ZNF541: variants seen among roughly 807,000 people sequenced by gnomAD.
ZNF541 encodes zinc finger protein 541.
In ZNF541, 23 loss-of-function variants were observed where a neutral mutation model predicts 123.5. The ratio of observed to expected loss-of-function variants is 0.19; its 90% confidence interval spans 0.13 to 0.26. The LOEUF (loss-of-function observed/expected upper bound fraction) is 0.26. Ranked by LOEUF, ZNF541 falls within the 10% of genes least tolerant of loss-of-function variation. The probability of loss-of-function intolerance (pLI) is 1.00; values close to 1 mark genes in which losing one functional copy is unlikely to be tolerated. For missense variants in ZNF541, 1,612 were observed against 1,789.9 expected (o/e 0.90, Z 1.79); for synonymous variants, 751 against 754.5 (o/e 1.00, Z 0.08).
intron 9 of ZNF541, 49 bp from the exon 10 acceptor site, chr19:47,533,021 C>G (rs188970602): frequency 3.3e-6 from 5 of 1,518,140 alleles, no homozygotes; most frequent in South Asian, 1.2e-5. Flanking sequence ...AGCAGGTAAC[C>G]GACAGGGTCC....
At chr19:47,522,410 G>C (rs1969079613) in intron 14 of ZNF541, among the ~76,000 whole-genome samples, 1 of 152,226 alleles carries the variant, frequency 6.6e-6, no homozygotes, top group African/African-American at 2.4e-5. Flanking sequence ...TCTAGAAGAA[G>C]GGGAGGTTTT....
At chr19:47,536,542 T>A (rs2123027694) in intron 9 of ZNF541, among the ~76,000 whole-genome samples, 1 of 152,114 alleles carries the variant, frequency 6.6e-6, no homozygotes, top group South Asian at 2.1e-4. Context: ...CTGGCCCACC[T>A]CAGAGTTTGA....
chr19:47,567,159 C>T (rs1160707289), intron 2 of ZNF541, among the ~76,000 whole-genome samples: 1 of 152,172 alleles, frequency 6.6e-6, no homozygotes, highest in East Asian at 1.9e-4. Flanking sequence ...TAAGCCTGCA[C>T]TGCCCAATAC....
chr19:47,549,406 C>A lies in ZNF541; in HGVS notation c.387G>T (p.Lys129Asn). The change falls in exon 4 of 17, where the codon AAG becomes AAT. Residue 129 changes from lysine (K) to asparagine (N), a missense_variant. Around this residue, in one of 5 missense-constraint regions of ZNF541, gnomAD observed 212 missense variants for 289.6 expected, o/e 0.73. Coordinates refer to ENST00000391901, the MANE Select transcript of ZNF541 (RefSeq NM_001277075.3). ...RATSGSARKGKRQHSSPQNPL... is the reference protein window; with the variant it reads ...RATSGSARKGNRQHSSPQNPL... ...GGTTTTGAGGGGAACTGTGCTGCCGCTTTCCTTTCCTGGCACTCCCCGAGG... is the reference window on the plus strand; with the variant it reads ...GGTTTTGAGGGGAACTGTGCTGCCGATTTCCTTTCCTGGCACTCCCCGAGG... 1.3e-6 allele frequency: 2 copies of A among 1,551,734 alleles called. No individual in the cohort carries two copies. Among genetic ancestry groups the A allele is most frequent in the Non-Finnish European group, 1.7e-6 (2 of 1,147,014 alleles).
intron 14 of ZNF541, among the ~76,000 whole-genome samples, chr19:47,523,339 TAAAAAAAAAAAA>T (rs75366644): frequency 9.5e-6 from 1 of 105,750 alleles, no homozygotes; most frequent in African/African-American, 4.4e-5. Context: ...GCGTCTCTTT[TAAAAAAAAAAAA>T]AAAAAAAAAA....
At position 47,544,973 on chromosome 19, in the gene ZNF541, G is replaced by A; in HGVS notation, c.1556C>T (p.Pro519Leu). The change falls in exon 5 of 17, where the codon CCC becomes CTC. Residue 519 changes from proline (P) to leucine (L), a missense_variant. Physicochemically the swap from Pro to Leu is moderately conservative, Grantham distance 98. This residue lies in a region of ZNF541 where 1,080 missense variants were observed against 1,013.8 expected (regional missense o/e 1.07). Coordinates refer to ENST00000391901, the MANE Select transcript of ZNF541 (RefSeq NM_001277075.3). Reference sequence around the variant, plus strand: ...TGCCTTCTGGGCCTCCTGGAGGCCGGGCTCCCCGGGGTTCTGGCACAGGAA... The same window carrying A: ...TGCCTTCTGGGCCTCCTGGAGGCCGAGCTCCCCGGGGTTCTGGCACAGGAA... Reference protein sequence around the residue: ...DSFLCQNPGEPGLQEAQKAGG... With the variant: ...DSFLCQNPGELGLQEAQKAGG... The A allele has an allele frequency of 6.5e-7, 1 of 1,532,604 alleles. No individual in the cohort carries two copies. The highest frequency in any genetic ancestry group is 8.7e-7 in the Non-Finnish European group (1 of 1,145,432). The allele number at this position is 1,532,604 out of a possible 1,614,324, so 94.9% of individuals were successfully genotyped here.
At chr19:47,569,879 A>G (rs904246153) in intron 2 of ZNF541, among the ~76,000 whole-genome samples, 4 of 151,042 alleles carry the variant, frequency 2.6e-5, no homozygotes, top group African/African-American at 9.7e-5. Context: ...CCCTGTCTCA[A>G]GAAAAGAAAG....
chr19:47,562,510 C>T (rs779629801), intron 2 of ZNF541, among the ~76,000 whole-genome samples: 1 of 152,138 alleles, frequency 6.6e-6, no homozygotes, highest in Non-Finnish European at 1.5e-5. Context: ...TGCCACTGCA[C>T]TCCAGCCTGG....
intron 3 of ZNF541, among the ~76,000 whole-genome samples, chr19:47,554,937 T>C (rs1007467465): frequency 6.6e-6 from 1 of 151,040 alleles, no homozygotes; most frequent in Non-Finnish European, 1.5e-5. Context: ...CTACTAAAAA[T>C]ACAAAAATTA....
upstream of ZNF541, among the ~76,000 whole-genome samples, chr19:47,573,304 T>G (rs548023060): frequency 3.1e-3 from 470 of 152,084 alleles, 1 homozygote; most frequent in African/African-American, 0.011. Context: ...TCTCGGCTGC[T>G]TCTCCGAGGG....
In ZNF541 at chr19:47,520,898, G is replaced by A. The variant is rs1968993453; in HGVS notation, c.*326C>T. ...ACACATGAAACCAAACCCCACAACT[G>A]AGGCTAAGATTTAAGAGCTACCCAG... On this transcript the variant is annotated 3_prime_UTR_variant, in exon 17 of 17. Coordinates refer to ENST00000391901, the MANE Select transcript of ZNF541 (RefSeq NM_001277075.3). The A allele has an allele frequency of 3.7e-6, 1 of 271,582 alleles. No homozygotes were observed. The highest frequency in any genetic ancestry group is 2.2e-5 in the African/African-American group (1 of 45,906). 16.8% of individuals were successfully genotyped at this position (271,582 alleles called of 1,614,324 possible). A position where few individuals can be genotyped will look rare whatever the true frequency, so the allele number is the denominator to read the frequency against.
At chr19:47,569,172 C>T (rs1568527412) in intron 2 of ZNF541, among the ~76,000 whole-genome samples, 1 of 152,026 alleles carries the variant, frequency 6.6e-6, no homozygotes, top group African/African-American at 2.4e-5. Context: ...CAAATGGCAT[C>T]TCTAGAAAGG....
At chr19:47,555,522 G>A in intron 3 of ZNF541, 28 bp downstream of exon 3, 27 of 1,503,528 alleles carry the variant, frequency 1.8e-5, no homozygotes, top group Non-Finnish European at 2.4e-5. Flanking sequence ...CATCCTGCAG[G>A]GCCCTTCTAC....
In ZNF541 at chr19:47,555,737, G is replaced by A; in HGVS notation, c.120C>T (p.Asn40=). 1.3e-6 allele frequency: 2 copies of A among 1,551,776 alleles called. No individual in the cohort carries two copies. Among genetic ancestry groups the A allele is most frequent in the Non-Finnish European group, 1.7e-6 (2 of 1,147,008 alleles). The change falls in exon 3 of 17, where the codon AAC becomes AAT. Residue 40 remains asparagine, a synonymous_variant. Coordinates refer to ENST00000391901, the MANE Select transcript of ZNF541 (RefSeq NM_001277075.3). ...SDTLNRDLGP[N]TRGFLYAGLS... is the part of the protein sequence containing the mutation. ...GGCCAGCATAAAGAAAGCCTCGCGTGTTGGGACCCAAATCCCGGTTGAGGG... is the reference window on the plus strand; with the variant it reads ...GGCCAGCATAAAGAAAGCCTCGCGTATTGGGACCCAAATCCCGGTTGAGGG...
At chr19:47,546,678 A>G (rs532150704) in intron 4 of ZNF541, among the ~76,000 whole-genome samples, 4 of 152,276 alleles carry the variant, frequency 2.6e-5, no homozygotes, top group African/African-American at 9.6e-5. Context: ...AAAAAACACC[A>G]TTCACTCCTT....
At chr19:47,537,909 C>T (rs894589030) in intron 9 of ZNF541, among the ~76,000 whole-genome samples, 1 of 152,074 alleles carries the variant, frequency 6.6e-6, no homozygotes, top group Non-Finnish European at 1.5e-5. Context: ...GAAGGGCAGG[C>T]AGAAGCATGG....
chr19:47,545,013 C>A lies in ZNF541; in HGVS notation c.1516G>T (p.Val506Phe). 1 of 1,511,366 alleles carries A rather than the reference C, an allele frequency of 6.6e-7. No individual in the cohort carries two copies. The highest frequency in any genetic ancestry group is 1.2e-5 in the South Asian group (1 of 81,106). 93.6% of individuals were successfully genotyped at this position (1,511,366 alleles called of 1,614,324 possible). ...TGGCACAGGAAGGAGTCGCAGTCGACCTTGACCTTCTTGGGGGCGCAGGGG... is the reference window on the plus strand; with the variant it reads ...TGGCACAGGAAGGAGTCGCAGTCGAACTTGACCTTCTTGGGGGCGCAGGGG... ...DDPCAPKKVK[V>F]DCDSFLCQNP... Residue 506 changes from valine (V) to phenylalanine (F), a missense_variant, in exon 5 of 17, where the codon GTC (valine) becomes TTC (phenylalanine). Transcript: ENST00000391901. This position sits in a 1 kb window ranked among gnomAD's most constrained non-coding sequence, Gnocchi z 7.5.
rs1188348164 is a variant in ZNF541 at position 47,545,584 on chromosome 19, G to C, written c.945C>G (p.Ser315=). Residue 315 remains serine, a synonymous_variant, in exon 5 of 17, where the codon TCC becomes TCG. Transcript: ENST00000391901. This position sits in a 1 kb window ranked among gnomAD's most constrained non-coding sequence, Gnocchi z 7.5. ...GGGGGCCGGCTGGGGTGCAGGACGA[G>C]GACCCCGATGAGGCGGGGCAGGGAC... ...TACPCPASSG[S]SSCTPAGPHA... 2.6e-6 allele frequency: 4 copies of C among 1,548,172 alleles called. No individual in the cohort carries two copies. The highest frequency in any genetic ancestry group is 2.7e-5 in the African/African-American group (2 of 72,960).
intron 3 of ZNF541, among the ~76,000 whole-genome samples, chr19:47,551,918 C>T (rs1045192352): frequency 7.9e-5 from 12 of 152,080 alleles, no homozygotes; most frequent in Admixed American, 5.9e-4. Flanking sequence ...AGTGCAATGG[C>T]GCCATCTTGG....
Sources: allele counts gnomAD v4.1 joint callset (sites outside exome capture counted in the v4.1 genomes callset), GRCh38; gene constraint gnomAD v4.1.1; regional missense constraint gnomAD v4.1.1; non-coding constraint Gnocchi (gnomAD v3.1); transcripts MANE v1.5; gene names NCBI Gene and HGNC (gene_info 2026-07-23, HGNC 2026-07-21).